UBAP1: variants seen among roughly 807,000 people sequenced by gnomAD.
UBAP1 encodes ubiquitin associated protein 1, also known as ubiquitin-associated protein 1.
Under a neutral mutation model 39.0 loss-of-function variants are expected in UBAP1, and 5 were observed. The ratio of observed to expected loss-of-function variants is 0.13; its 90% CI spans 0.07 to 0.27. The LOEUF (loss-of-function observed/expected upper bound fraction) is 0.27. UBAP1 is among the 10% of genes least tolerant of loss of function. UBAP1 has a pLI of 1.00. For synonymous variants in UBAP1, 211 were observed against 225.1 expected (o/e 0.94, Z 0.56); for missense variants, 490 against 608.1 (o/e 0.81, Z 2.04).
intron 3 of UBAP1, among the ~76,000 whole-genome samples, chr9:34,239,888 GC>G (rs1354611019): frequency 3.9e-5 from 6 of 151,974 alleles, no homozygotes; most frequent in Non-Finnish European, 7.4e-5. Context: ...GCCATCCTCA[GC>G]CCCCTCCCTC....
chr9:34,225,440 G>A (rs1019728668), intron 2 of UBAP1, among the ~76,000 whole-genome samples: 1 of 151,898 alleles, frequency 6.6e-6, no homozygotes, highest in African/African-American at 2.4e-5. Context: ...CATACCCTTC[G>A]CTTAGTTTGG....
At chr9:34,224,093 G>A (rs17349430) in intron 2 of UBAP1, 173,419 of 729,112 alleles carry the variant, frequency 0.24, 22,882 homozygotes, top group Non-Finnish European at 0.27. Flanking sequence ...AGTGATGCAC[G>A]CAAGAAGCTT....
At chr9:34,197,956 TCAC>T (rs755221816) in intron 1 of UBAP1, among the ~76,000 whole-genome samples, 86 of 152,368 alleles carry the variant, frequency 5.6e-4, no homozygotes, top group Middle Eastern at 3.4e-3. Context: ...GGAAAGACCT[TCAC>T]CAGTCAGCCT....
intron 1 of UBAP1, among the ~76,000 whole-genome samples, chr9:34,218,923 G>C (rs1054573326): frequency 1.3e-5 from 2 of 152,002 alleles, no homozygotes; most frequent in Admixed American, 1.3e-4. Context: ...ACAGCAAGAT[G>C]CCTGTGAATG....
In UBAP1 at chr9:34,183,420, C is replaced by T. The variant is rs1217688462; in HGVS notation, c.-8+4180C>T. Among the ~76,000 whole-genome samples the T allele has an allele frequency of 3.3e-5, 5 of 151,736 alleles. No homozygotes were observed. The East Asian group carries it at 1.0e-3, about 30-fold the overall frequency. On this transcript the variant is annotated intron_variant, in intron 1 of 6. Coordinates refer to ENST00000297661, the MANE Select transcript of UBAP1 (RefSeq NM_016525.5). The stretch of plus-strand genomic sequence containing the variant: ...ATTAGCCGGGCGTGGTGGTGTGTGC[C>T]TGTAGTCCCAGCTACTCGGGAGGCT...
At chr9:34,207,016 CT>C (rs1194394954) in intron 1 of UBAP1, among the ~76,000 whole-genome samples, 1 of 116,246 alleles carries the variant, frequency 8.6e-6, no homozygotes, top group Non-Finnish European at 1.9e-5. Context: ...GAGATTTTTT[CT>C]TTTTTTTCTG....
intron 2 of UBAP1, among the ~76,000 whole-genome samples, chr9:34,232,974 T>G (rs577678413): frequency 6.6e-6 from 1 of 152,256 alleles, no homozygotes; most frequent in South Asian, 2.1e-4. Context: ...TAAGAGGCGT[T>G]TTCCTTTTAT....
chr9:34,249,985 G>A lies in UBAP1; in HGVS notation c.1266+24G>A, dbSNP rs376023977. 84 of 1,611,954 alleles carry A rather than the reference G, an allele frequency of 5.2e-5. No individual in the cohort carries two copies. The East Asian group carries it at 1.2e-3, about 23-fold the overall frequency. On this transcript the variant is annotated intron_variant, in intron 5 of 6. Transcript: ENST00000297661. ...AGGTGAGCGGTTGGTCAGCCAGGAG[G>A]GCAGGCTCAGACCTGTGGAGCTGGA...
intron 1 of UBAP1, among the ~76,000 whole-genome samples, chr9:34,181,055 C>T (rs925906782): frequency 6.6e-6 from 1 of 150,878 alleles, no homozygotes; most frequent in Non-Finnish European, 1.5e-5. Context: ...AATAATCCTC[C>T]GGCCTTGGTC....
At chr9:34,222,924 A>G (rs1051694036) in intron 2 of UBAP1, among the ~76,000 whole-genome samples, 3 of 152,256 alleles carry the variant, frequency 2.0e-5, no homozygotes, top group South Asian at 4.1e-4. Flanking sequence ...CCAAGGGCAG[A>G]GGAAAAGCTT....
chr9:34,196,168 T>C (rs923968993), intron 1 of UBAP1, among the ~76,000 whole-genome samples: 3 of 151,716 alleles, frequency 2.0e-5, no homozygotes. Context: ...AGACCAGGTC[T>C]TGCTCTGACT....
At chr9:34,182,681 T>TTCTTTCTTTCTTTCTCTCTCTC (rs1491429494) in intron 1 of UBAP1, among the ~76,000 whole-genome samples, 4 of 115,596 alleles carry the variant, frequency 3.5e-5, no homozygotes, top group East Asian at 5.2e-4. Context: ...CTTTCTTTCT[T>TTCTTTCTTTCTTTCTCTCTCTC]TCTCTCTCTC....
chr9:34,191,405 C>T (rs1830712867), intron 1 of UBAP1: 1 of 152,198 alleles, frequency 6.6e-6, no homozygotes. Context: ...CCTGTGTAAA[C>T]TTTAAAATAG....
At chr9:34,193,132 C>T (rs1416478063) in intron 1 of UBAP1, among the ~76,000 whole-genome samples, 2 of 151,874 alleles carry the variant, frequency 1.3e-5, no homozygotes, top group African/African-American at 4.8e-5. Context: ...TGTGGCAAAA[C>T]CCCATCTCTC....
Position 34,241,173 on chromosome 9 carries a change from A to G in UBAP1, c.160-12A>G, listed in dbSNP as rs182200226. 301 of 1,453,618 alleles carry G rather than the reference A, an allele frequency of 2.1e-4. 1 individual carries two copies. The East Asian group carries it at 5.9e-3, about 28-fold the overall frequency. 90.0% of individuals were successfully genotyped at this position (1,453,618 alleles called of 1,614,324 possible). Reference sequence around the variant, plus strand: ...TGGGTTCACACCCCCTTCCTCTGCTATATCTTTGCAGTATGACTTCTCTTT... The same window carrying G: ...TGGGTTCACACCCCCTTCCTCTGCTGTATCTTTGCAGTATGACTTCTCTTT... On this transcript the variant is annotated splice_polypyrimidine_tract_variant and intron_variant, in intron 3 of 6. Coordinates refer to ENST00000297661, the MANE Select transcript of UBAP1 (RefSeq NM_016525.5).
intron 1 of UBAP1, among the ~76,000 whole-genome samples, chr9:34,196,133 T>TTTTA (rs571397744): frequency 3.4e-4 from 51 of 150,688 alleles, no homozygotes; most frequent in Admixed American, 1.6e-3. Context: ...GCTGCTGGCT[T>TTTTA]TTTATTTATT....
chr9:34,224,048 T>A, intron 2 of UBAP1: 1 of 555,396 alleles, frequency 1.8e-6, no homozygotes, highest in South Asian at 2.8e-5. Context: ...CTCTAGCACA[T>A]AGCCGTCTGT....
Position 34,179,230 on chromosome 9 carries a change from G to A in UBAP1, c.-18G>A, listed in dbSNP as rs554073677. ...TTCGGCTTCTGAGACGGCGGCAGCA[G>A]CGGCATTCAGGTGAGGGGGGCCTCC... is the stretch of plus-strand genomic sequence containing the variant. On this transcript the variant is annotated 5_prime_UTR_variant, in exon 1 of 7. Transcript: ENST00000297661. The A allele has an allele frequency of 1.4e-4, 171 of 1,232,738 alleles. 1 individual carries two copies. In the South Asian group the frequency reaches 6.2e-3, roughly 45 times the overall value. 76.4% of individuals were successfully genotyped at this position (1,232,738 alleles called of 1,614,324 possible).
chr9:34,190,172 C>T (rs1830635711), intron 1 of UBAP1, among the ~76,000 whole-genome samples: 1 of 152,184 alleles, frequency 6.6e-6, no homozygotes, highest in South Asian at 2.1e-4. Flanking sequence ...TACCCCTGAA[C>T]TTAAAAGTTA....
Sources: allele counts gnomAD v4.1 joint callset (sites outside exome capture counted in the v4.1 genomes callset), GRCh38; gene constraint gnomAD v4.1.1; transcripts MANE v1.5; gene names NCBI Gene and HGNC (gene_info 2026-07-23, HGNC 2026-07-21).